SGK3: variants seen among roughly 807,000 people sequenced by gnomAD.
The protein encoded by SGK3 is serum/glucocorticoid regulated kinase family member 3.
In SGK3, 47 loss-of-function variants were observed where a neutral mutation model predicts 68.5. The ratio of observed to expected loss-of-function variants is 0.69; its 90% CI spans 0.54 to 0.87. The LOEUF is 0.87. Ranked by LOEUF, SGK3 falls within the 40% of genes least tolerant of loss-of-function variation. The probability of loss-of-function intolerance (pLI) is 0.00; values close to 1 mark genes in which losing one functional copy is unlikely to be tolerated. For synonymous variants in SGK3, 181 were observed against 189.1 expected, an observed-to-expected ratio of 0.96 and a Z score of 0.35; for missense variants, 479 against 575.5, an observed-to-expected ratio of 0.83 and a Z score of 1.72.
intron 1 of SGK3, among the ~76,000 whole-genome samples, chr8:66,753,627 C>A (rs1805891936): frequency 6.6e-6 from 1 of 152,124 alleles, no homozygotes; most frequent in African/African-American, 2.4e-5. Flanking sequence ...GAGTTTGAGA[C>A]CAGCTTGACC....
intron 3 of SGK3, among the ~76,000 whole-genome samples, chr8:66,800,461 G>C (rs922009118): frequency 7.1e-6 from 1 of 140,298 alleles, no homozygotes; most frequent in Non-Finnish European, 1.5e-5. Context: ...ATGTATACAT[G>C]TGCCATGTTT....
intron 1 of SGK3, among the ~76,000 whole-genome samples, chr8:66,723,090 CATATATATATATATATA>C (rs1804846236): frequency 4.7e-5 from 1 of 21,276 alleles, no homozygotes; most frequent in African/African-American, 2.4e-4. Context: ...AGATTTTGTT[CATATATATATATATATA>C]TATATATATA....
intron 4 of SGK3, among the ~76,000 whole-genome samples, chr8:66,806,994 G>C (rs1270056693): frequency 2.0e-5 from 3 of 152,148 alleles, no homozygotes; most frequent in Non-Finnish European, 2.9e-5. Flanking sequence ...ATGTGAAACT[G>C]ACAGTGTGTA....
At position 66,859,746 on chromosome 8, in the gene SGK3, G is replaced by T. The variant is rs1810684306; in HGVS notation, c.*165G>T. 1 of 758,384 alleles carries T rather than the reference G, an allele frequency of 1.3e-6. No individual in the cohort carries two copies. Among genetic ancestry groups the T allele is most frequent in the East Asian group, 3.1e-5 (1 of 32,002 alleles). The allele number at this position is 758,384 out of a possible 1,614,324, so 47.0% of individuals were successfully genotyped here. On this transcript the variant is annotated 3_prime_UTR_variant, in exon 17 of 17. Coordinates refer to ENST00000521198, the MANE Select transcript of SGK3 (RefSeq NM_001033578.3). ...TTTCTTCTATGTGCAAGAAAAATAGGGCATTTCAAAGAGCTGTTTTGATTA... is the reference window on the plus strand; with the variant it reads ...TTTCTTCTATGTGCAAGAAAAATAGTGCATTTCAAAGAGCTGTTTTGATTA...
chr8:66,723,108 TATATATATATATATATATA>T (rs1804854060), intron 1 of SGK3, among the ~76,000 whole-genome samples: 2 of 43,010 alleles, frequency 4.7e-5, no homozygotes, highest in East Asian at 6.3e-4. Flanking sequence ...TATATATATA[TATATATATATATATATATA>T]TATATTTTTT....
intron 1 of SGK3, among the ~76,000 whole-genome samples, chr8:66,751,174 C>T (rs933178868): frequency 2.0e-4 from 30 of 151,352 alleles, no homozygotes; most frequent in Non-Finnish European, 4.0e-4. Flanking sequence ...TGGTGGCGGG[C>T]GCCTGTAGTC....
At chr8:66,785,001 C>T (rs1807142513) in intron 1 of SGK3, among the ~76,000 whole-genome samples, 1 of 152,156 alleles carries the variant, frequency 6.6e-6, no homozygotes, top group Non-Finnish European at 1.5e-5. Context: ...TGCTGTGTAC[C>T]AAGCTCTCAG....
intron 4 of SGK3, among the ~76,000 whole-genome samples, chr8:66,811,495 A>G (rs939838174): frequency 6.6e-6 from 1 of 152,152 alleles, no homozygotes; most frequent in Non-Finnish European, 1.5e-5. Context: ...ATTTTTTCAG[A>G]TATTTGCAAA....
chr8:66,851,772 A>G (rs956800991), intron 16 of SGK3, among the ~76,000 whole-genome samples: 12 of 152,220 alleles, frequency 7.9e-5, no homozygotes, highest in African/African-American at 2.4e-4. Flanking sequence ...CAGTAAATAC[A>G]TAACAACAGG....
chr8:66,822,052 A>T (rs1178463388), intron 5 of SGK3, among the ~76,000 whole-genome samples: 1 of 151,208 alleles, frequency 6.6e-6, no homozygotes, highest in Non-Finnish European at 1.5e-5. Flanking sequence ...AACGGACATA[A>T]CGTGATATCT....
intron 1 of SGK3, among the ~76,000 whole-genome samples, chr8:66,714,382 C>T (rs988271328): frequency 6.6e-6 from 1 of 152,164 alleles, no homozygotes; most frequent in Non-Finnish European, 1.5e-5. Flanking sequence ...TTCAAATGTG[C>T]ACCATTAGAG....
chr8:66,746,424 G>C (rs1270572217), intron 1 of SGK3, among the ~76,000 whole-genome samples: 3 of 152,134 alleles, frequency 2.0e-5, no homozygotes, highest in Non-Finnish European at 4.4e-5. Flanking sequence ...ATTTAAAATG[G>C]AGAGAGCTGG....
At chr8:66,792,190 G>A (rs1011114828) in intron 1 of SGK3, among the ~76,000 whole-genome samples, 7 of 152,098 alleles carry the variant, frequency 4.6e-5, no homozygotes, top group African/African-American at 1.7e-4. Flanking sequence ...TTAGTTGGGC[G>A]TGGTGGCACG....
chr8:66,791,533 A>G (rs1258268375), intron 1 of SGK3, among the ~76,000 whole-genome samples: 2 of 152,154 alleles, frequency 1.3e-5, no homozygotes, highest in African/African-American at 4.8e-5. Context: ...TGTCCTGCCT[A>G]CCATCTCTTT....
At position 66,849,932 on chromosome 8, in the gene SGK3, A is replaced by G. The variant is rs138483223; in HGVS notation, c.1231-899A>G. Among the ~76,000 whole-genome samples the G allele has an allele frequency of 1.4e-3, 206 of 152,330 alleles. 1 individual carries two copies. The highest frequency in any genetic ancestry group is 4.8e-3 in the African/African-American group (200 of 41,584). On this transcript the variant is annotated intron_variant, in intron 15 of 16. Transcript: ENST00000521198. Reference sequence around the variant, plus strand: ...ACCAACCTGATGCTTTAAAAAACAAACAAATAGAAAAACCAGTTGTGACAT... The same window carrying G: ...ACCAACCTGATGCTTTAAAAAACAAGCAAATAGAAAAACCAGTTGTGACAT...
chr8:66,839,936 T>C, intron 10 of SGK3, 67 bp from the exon 11 acceptor site: 3 of 1,376,664 alleles, frequency 2.2e-6, no homozygotes, highest in Non-Finnish European at 3.0e-6. Context: ...CGAATATATT[T>C]GTTTAATGCT....
intron 1 of SGK3, among the ~76,000 whole-genome samples, chr8:66,720,546 G>A (rs1038484561): frequency 6.6e-6 from 1 of 151,980 alleles, no homozygotes; most frequent in Non-Finnish European, 1.5e-5. Flanking sequence ...AAGGCGGGTG[G>A]ATCACCTGAG....
chr8:66,765,320 C>T lies in SGK3; in HGVS notation c.-121-28296C>T, dbSNP rs541106669. Among the ~76,000 whole-genome samples, 13 of 152,300 alleles carry T rather than the reference C, an allele frequency of 8.5e-5. No homozygotes were observed. In the South Asian group the frequency reaches 2.7e-3, roughly 32 times the overall value. Reference sequence around the variant, plus strand: ...TTCCCTAATGACTAATGTTGTTGAGCAACTCTTCATGTGCCTGTGGCCATT... The same window carrying T: ...TTCCCTAATGACTAATGTTGTTGAGTAACTCTTCATGTGCCTGTGGCCATT... On this transcript the variant is annotated intron_variant, in intron 1 of 16. Transcript: ENST00000521198.
At chr8:66,794,656 T>C (rs1267723685) in intron 2 of SGK3, among the ~76,000 whole-genome samples, 1 of 152,214 alleles carries the variant, frequency 6.6e-6, no homozygotes, top group African/African-American at 2.4e-5. Flanking sequence ...CTCTTACTTC[T>C]ACTTTCTTTC....
Sources: gnomAD v4.1 joint callset for allele counts (sites outside exome capture counted in the v4.1 genomes callset) on GRCh38, gnomAD v4.1.1 for gene constraint, MANE v1.5 for transcripts, NCBI Gene and HGNC (gene_info 2026-07-23, HGNC 2026-07-21) for gene names.